The following SYPL1 variants were observed in gnomAD, a reference collection of about 807,000 sequenced individuals.
SYPL1 encodes the protein synaptophysin-like protein 1.
A neutral mutation model predicts 23.7 loss-of-function variants in SYPL1; 6 were observed. That is an observed-to-expected ratio of 0.25 (90% CI 0.14 to 0.50). The LOEUF is 0.50. Ranked by LOEUF, SYPL1 falls within the 20% of genes least tolerant of loss-of-function variation. The pLI, the probability that SYPL1 is intolerant of heterozygous loss-of-function variation, is 0.98. For synonymous variants in SYPL1, 102 were observed against 104.5 expected (o/e 0.98, Z 0.15); for missense variants, 253 against 288.9 (o/e 0.88, Z 0.90).
chr7:106,102,331 G>A (rs1030364560), intron 1 of SYPL1, among the ~76,000 whole-genome samples: 6 of 152,254 alleles, frequency 3.9e-5, no homozygotes, highest in Middle Eastern at 3.4e-3. Flanking sequence ...CCTGACCTCC[G>A]GTGATCCACC....
chr7:106,098,401 A>C (rs1038834516), intron 2 of SYPL1, among the ~76,000 whole-genome samples: 3 of 152,212 alleles, frequency 2.0e-5, no homozygotes, highest in Non-Finnish European at 4.4e-5. Flanking sequence ...AGAAGTGTCT[A>C]GGAGAAAGGA....
intron 4 of SYPL1, among the ~76,000 whole-genome samples, chr7:106,092,360 A>G (rs2116058454): frequency 6.6e-6 from 1 of 152,242 alleles, no homozygotes; most frequent in East Asian, 1.9e-4. Context: ...TCCCATCCCA[A>G]TGAGTTAACC....
rs190139941 is a variant in SYPL1 at position 106,108,616 on chromosome 7, C to T, written c.69+3524G>A. On this transcript the variant is annotated intron_variant, in intron 1 of 4. Coordinates refer to ENST00000455385, the MANE Select transcript of SYPL1 (RefSeq NM_182715.4). ...AGCCTGCAAGTAGATTGGTCCAGGT[C>T]TTGAGAGGCTATATATATCTCTTTA... Among the ~76,000 whole-genome samples, 509 of 152,258 alleles carry T rather than the reference C, an allele frequency of 3.3e-3. 1 individual carries two copies. Among genetic ancestry groups the T allele is most frequent in the Admixed American group, 6.0e-3 (92 of 15,286 alleles).
At chr7:106,108,624 G>C (rs1840742913) in intron 1 of SYPL1, among the ~76,000 whole-genome samples, 1 of 152,072 alleles carries the variant, frequency 6.6e-6, no homozygotes, top group Non-Finnish European at 1.5e-5. Flanking sequence ...GTCTTGAGAG[G>C]CTATATATAT....
chr7:106,096,885 T>C lies in SYPL1; in HGVS notation c.402+805A>G. 6.6e-6 allele frequency among the ~76,000 whole-genome samples: 1 copy of C among 152,254 alleles called. No homozygotes were observed. Among genetic ancestry groups the C allele is most frequent in the Non-Finnish European group, 1.5e-5 (1 of 68,026 alleles). ...AAAGCAGCCATAGGCAATGTGTAAA[T>C]GATTGTGTATGGCTGAGTTCCAAAA... On this transcript the variant is annotated intron_variant, in intron 3 of 4. Coordinates refer to ENST00000455385, the MANE Select transcript of SYPL1 (RefSeq NM_182715.4). This position sits in a 1 kb window ranked among gnomAD's most constrained non-coding sequence, Gnocchi z 4.4.
Position 106,090,859 on chromosome 7 carries a change from T to C in SYPL1, c.*946A>G, listed in dbSNP as rs1390703846. 1 of 152,218 alleles carries C rather than the reference T, an allele frequency of 6.6e-6. No homozygotes were observed. Among genetic ancestry groups the C allele is most frequent in the African/African-American group, 2.4e-5 (1 of 41,456 alleles). The allele number at this position is 152,218 out of a possible 1,614,324, so 9.4% of individuals were successfully genotyped here. On this transcript the variant is annotated 3_prime_UTR_variant, in exon 5 of 5. Transcript: ENST00000455385. ...CCAAATTGCACTTATTTTCACAATA[T>C]CAATGCTAAACTCAAAATAGCAACT...
rs59346508 is a variant in SYPL1, at chr7:106,100,867, A to G, written c.70-1585T>C. ...TCTCTATGAATAAAAACCAAAGTTC[A>G]TATAAAGGCCTGCAAGATCCTTTCT... On this transcript the variant is annotated intron_variant, in intron 1 of 4. Coordinates refer to ENST00000455385, the MANE Select transcript of SYPL1 (RefSeq NM_182715.4). The surrounding 1 kb of genome is among the most constrained non-coding windows in gnomAD (Gnocchi z 5.1). Among the ~76,000 whole-genome samples the G allele has an allele frequency of 0.34, 51,956 of 152,116 alleles. 10,788 individuals are homozygous for G. The highest frequency in any genetic ancestry group is 0.52 in the East Asian group (2,690 of 5,180).
intron 4 of SYPL1, chr7:106,092,668 A>C: frequency 2.7e-6 from 1 of 375,590 alleles, no homozygotes; most frequent in Non-Finnish European, 4.9e-6. Context: ...GCGAAACTCC[A>C]TCTCAAAAAA....
chr7:106,094,461 T>C (rs1055312999), intron 3 of SYPL1, among the ~76,000 whole-genome samples: 1 of 152,232 alleles, frequency 6.6e-6, no homozygotes, highest in African/African-American at 2.4e-5. Flanking sequence ...CGGAAGTACA[T>C]GCATTTTGTA....
Position 106,097,643 on chromosome 7 carries a change from G to C in SYPL1, c.402+47C>G, listed in dbSNP as rs758931917. On this transcript the variant is annotated intron_variant, in intron 3 of 4. Transcript: ENST00000455385. This position sits in a 1 kb window ranked among gnomAD's most constrained non-coding sequence, Gnocchi z 4.6. ...TCCAGTATAAGAAAATCTATATTTAGCTTATACAAATTATTTTTGTATTTA... is the reference window on the plus strand; with the variant it reads ...TCCAGTATAAGAAAATCTATATTTACCTTATACAAATTATTTTTGTATTTA... The C allele has an allele frequency of 1.4e-6, 2 of 1,469,348 alleles. No homozygotes were observed. The highest frequency in any genetic ancestry group is 3.6e-4 in the Middle Eastern group (2 of 5,608). 91.0% of individuals were successfully genotyped at this position (1,469,348 alleles called of 1,614,324 possible).
At chr7:106,110,200 C>A (rs1326828096) in intron 1 of SYPL1, among the ~76,000 whole-genome samples, 1 of 152,150 alleles carries the variant, frequency 6.6e-6, no homozygotes, top group Non-Finnish European at 1.5e-5. Context: ...TCAAACCGTA[C>A]CCTCCAACCT....
intron 1 of SYPL1, among the ~76,000 whole-genome samples, chr7:106,111,399 TGCCAAG>T (rs1467897152): frequency 6.6e-6 from 1 of 152,216 alleles, no homozygotes; most frequent in Non-Finnish European, 1.5e-5. Context: ...AACTGATCAT[TGCCAAG>T]GTCGAATTAA....
chr7:106,112,381 C>G, upstream of SYPL1: 1 of 1,267,964 alleles, frequency 7.9e-7, no homozygotes, highest in South Asian at 2.2e-5. Context: ...GGCGGTTGAG[C>G]TGCTGGCTGA....
rs777666304 is a variant in SYPL1, at chr7:106,102,989, A to G, written c.70-3707T>C. The stretch of plus-strand genomic sequence containing the variant: ...AATTCAACTACAGAAAAAAAATCTT[A>G]ATCAAGTCAGCTGTTGAATGTAAAA... On this transcript the variant is annotated intron_variant, in intron 1 of 4. Coordinates refer to ENST00000455385, the MANE Select transcript of SYPL1 (RefSeq NM_182715.4). Among the ~76,000 whole-genome samples, 75 of 151,780 alleles carry G rather than the reference A, an allele frequency of 4.9e-4. 1 individual carries two copies. Among genetic ancestry groups the G allele is most frequent in the Admixed American group, 2.0e-4 (3 of 15,278 alleles).
In SYPL1 at chr7:106,091,243, C is replaced by T. The variant is rs75241646; in HGVS notation, c.*562G>A. The T allele has an allele frequency of 3.2e-4, 49 of 152,052 alleles. No homozygotes were observed. The highest frequency in any genetic ancestry group is 9.4e-4 in the African/African-American group (39 of 41,434). The allele number at this position is 152,052 out of a possible 1,614,324, so 9.4% of individuals were successfully genotyped here. A position where few individuals can be genotyped will look rare whatever the true frequency, so the allele number is the denominator to read the frequency against. On this transcript the variant is annotated 3_prime_UTR_variant, in exon 5 of 5. Transcript: ENST00000455385. This position sits in a 1 kb window ranked among gnomAD's most constrained non-coding sequence, Gnocchi z 5.0. ...ATTTTAGTACACCTATTAAGTACCA[C>T]GGGTCATTTAGAAAAACAGAAAAAA...
chr7:106,092,878 T>C (rs756856915), intron 4 of SYPL1, 71 bp downstream of exon 4: 18 of 1,279,904 alleles, frequency 1.4e-5, no homozygotes, highest in Admixed American at 3.1e-5. Flanking sequence ...CTGAAAGCTA[T>C]TGCTTTCCTG....
chr7:106,110,494 T>A (rs1423288243), intron 1 of SYPL1, among the ~76,000 whole-genome samples: 2 of 152,218 alleles, frequency 1.3e-5, no homozygotes, highest in African/African-American at 4.8e-5. Flanking sequence ...CCTTAATAGA[T>A]CATGAGAAAA....
rs892227527 is a variant in SYPL1, at chr7:106,095,721, T to C, written c.402+1969A>G. 2.0e-5 allele frequency among the ~76,000 whole-genome samples: 3 copies of C among 152,218 alleles called. No homozygotes were observed. Among genetic ancestry groups the C allele is most frequent in the Non-Finnish European group, 2.9e-5 (2 of 68,042 alleles). ...AGAACTGAAAATTAAATTTAGAAGCTAGACTTTTATAGACAAGAAGCACCC... is the reference window on the plus strand; with the variant it reads ...AGAACTGAAAATTAAATTTAGAAGCCAGACTTTTATAGACAAGAAGCACCC... On this transcript the variant is annotated intron_variant, in intron 3 of 4. Coordinates refer to ENST00000455385, the MANE Select transcript of SYPL1 (RefSeq NM_182715.4). The surrounding 1 kb of genome is among the most constrained non-coding windows in gnomAD (Gnocchi z 4.3).
At chr7:106,094,566 C>T (rs1839919138) in intron 3 of SYPL1, among the ~76,000 whole-genome samples, 1 of 152,172 alleles carries the variant, frequency 6.6e-6, no homozygotes, top group African/African-American at 2.4e-5. Flanking sequence ...TGTGGAAGTA[C>T]TCCCCCCTTT....
Sources: gnomAD v4.1 joint callset for allele counts (sites outside exome capture counted in the v4.1 genomes callset) on GRCh38, gnomAD v4.1.1 for gene constraint, Gnocchi (gnomAD v3.1) non-coding constraint, MANE v1.5 for transcripts, NCBI Gene and HGNC (gene_info 2026-07-23, HGNC 2026-07-21) for gene names.